The following AFG2A variants were observed in gnomAD, a reference collection of about 807,000 sequenced individuals.
AFG2A encodes the protein ATPase family gene 2 protein homolog A.
the AFG2A span, among the ~76,000 whole-genome samples, chr4:123,294,174 C>T: frequency 1.3e-5 from 2 of 152,172 alleles, no homozygotes; most frequent in African/African-American, 4.8e-5. Context: ...ACTGAACTTC[C>T]TCTGGTCTCC....
chr4:122,935,121 T>C, the AFG2A span, among the ~76,000 whole-genome samples: 2 of 152,158 alleles, frequency 1.3e-5, no homozygotes, highest in Non-Finnish European at 2.9e-5. Context: ...CTGAAGCAGG[T>C]AATTACGGGA....
chr4:123,009,479 C>T, the AFG2A span, among the ~76,000 whole-genome samples: 55 of 152,272 alleles, frequency 3.6e-4, no homozygotes, highest in African/African-American at 1.3e-3. Context: ...TTTATATGCA[C>T]CAGTACATAC....
At chr4:123,107,945 C>A in the AFG2A span, among the ~76,000 whole-genome samples, 1 of 152,200 alleles carries the variant, frequency 6.6e-6, no homozygotes, top group Non-Finnish European at 1.5e-5. Flanking sequence ...CACTTCTGAG[C>A]CTGCAGGGGC....
At chr4:123,150,866 CT>C in the AFG2A span, among the ~76,000 whole-genome samples, 1 of 152,202 alleles carries the variant, frequency 6.6e-6, no homozygotes, top group Non-Finnish European at 1.5e-5. Context: ...TGACTTCAAA[CT>C]ATACTGCAAG....
At chr4:123,295,376 C>T in the AFG2A span, among the ~76,000 whole-genome samples, 1 of 152,172 alleles carries the variant, frequency 6.6e-6, no homozygotes, top group Non-Finnish European at 1.5e-5. Context: ...GAATTTTGTC[C>T]TACTTGCCTG....
chr4:123,204,877 A>G, the AFG2A span, among the ~76,000 whole-genome samples: 2 of 152,322 alleles, frequency 1.3e-5, no homozygotes, highest in East Asian at 1.9e-4. Context: ...TTGAAGTCCA[A>G]GAATGTTGCA....
At chr4:123,256,178 G>A in the AFG2A span, 1 of 1,613,858 alleles carries the variant, frequency 6.2e-7, no homozygotes, top group East Asian at 2.2e-5. Context: ...CTCAGGAGCA[G>A]AGGTAAGATA....
chr4:123,179,938 G>A, the AFG2A span, among the ~76,000 whole-genome samples: 2 of 152,092 alleles, frequency 1.3e-5, no homozygotes. Context: ...GTATAACCAT[G>A]GCCAGGCACA....
chr4:123,247,625 G>A, the AFG2A span, among the ~76,000 whole-genome samples: 4 of 139,936 alleles, frequency 2.9e-5, no homozygotes, highest in Non-Finnish European at 4.8e-5. Flanking sequence ...ATGGGGTTGC[G>A]CCATGTTGCC....
At chr4:122,990,399 A>G in the AFG2A span, among the ~76,000 whole-genome samples, 1 of 152,200 alleles carries the variant, frequency 6.6e-6, no homozygotes, top group Non-Finnish European at 1.5e-5. Flanking sequence ...GCCTTGTTAG[A>G]GAGTCTGGCC....
At chr4:123,007,640 AC>A in the AFG2A span, among the ~76,000 whole-genome samples, 7 of 23,528 alleles carry the variant, frequency 3.0e-4, no homozygotes, top group Non-Finnish European at 7.9e-4. Context: ...ACACACACAC[AC>A]AACACACACA....
the AFG2A span, among the ~76,000 whole-genome samples, chr4:122,924,734 C>G: frequency 6.6e-6 from 1 of 151,944 alleles, no homozygotes; most frequent in African/African-American, 2.4e-5. Context: ...TTTGTTTTTG[C>G]GCCTTGATGT....
At chr4:122,976,811 C>G in the AFG2A span, among the ~76,000 whole-genome samples, 3 of 152,188 alleles carry the variant, frequency 2.0e-5, no homozygotes, top group Non-Finnish European at 4.4e-5. Flanking sequence ...AGGGCAGGGG[C>G]AAAAGCATGT....
the AFG2A span, among the ~76,000 whole-genome samples, chr4:123,103,011 A>G: frequency 6.6e-6 from 1 of 152,052 alleles, no homozygotes; most frequent in African/African-American, 2.4e-5. Flanking sequence ...ATGAACCTTC[A>G]TACATTTTGA....
chr4:123,181,560 G>A, the AFG2A span, among the ~76,000 whole-genome samples: 2 of 152,150 alleles, frequency 1.3e-5, no homozygotes, highest in African/African-American at 4.8e-5. Context: ...CTGAGATTGT[G>A]CCACTGCACT....
chr4:123,224,064 A>C, the AFG2A span, among the ~76,000 whole-genome samples: 1 of 152,108 alleles, frequency 6.6e-6, no homozygotes, highest in African/African-American at 2.4e-5. Context: ...ATATGTTTAA[A>C]TCTTTAATCC....
chr4:123,053,278 T>C, the AFG2A span, among the ~76,000 whole-genome samples: 10 of 152,358 alleles, frequency 6.6e-5, no homozygotes, highest in South Asian at 2.1e-4. Context: ...TTGGTTGATA[T>C]GGCTTTCTGG....
chr4:123,225,320 C>T, the AFG2A span, among the ~76,000 whole-genome samples: 2 of 152,114 alleles, frequency 1.3e-5, no homozygotes, highest in East Asian at 1.9e-4. Flanking sequence ...CCTAGGTTTT[C>T]CTCTAGGGTT....
the AFG2A span, among the ~76,000 whole-genome samples, chr4:122,940,319 C>T: frequency 1.3e-5 from 2 of 152,154 alleles, no homozygotes; most frequent in Admixed American, 6.5e-5. Context: ...TTAATGATTG[C>T]CATTCTAACT....
Sources: allele counts gnomAD v4.1 joint callset (sites outside exome capture counted in the v4.1 genomes callset), GRCh38; gene constraint gnomAD v4.1.1; transcripts MANE v1.5; gene names NCBI Gene and HGNC (gene_info 2026-07-23, HGNC 2026-07-21).